GSTA1: variants seen among roughly 807,000 people sequenced by gnomAD.
GSTA1 encodes the protein glutathione S-transferase alpha 1, also known as glutathione S-transferase A1.
In GSTA1, 23 loss-of-function variants were observed where a neutral mutation model predicts 21.5. That is an observed-to-expected ratio of 1.07 (90% CI 0.77 to 1.52). The LOEUF (loss-of-function observed/expected upper bound fraction) is 1.52, where lower values mean the gene tolerates loss of function less well. GSTA1 is among the 40% of genes most tolerant of loss of function. The pLI is 0.00. For missense variants in GSTA1, 301 were observed against 264.2 expected (o/e 1.14, Z -0.96); for synonymous variants, 125 against 90.0 (o/e 1.39, Z -2.20).
intron 2 of GSTA1, 32 bp downstream of exon 2, chr6:52,799,149 T>A (rs749897826): frequency 4.4e-6 from 7 of 1,595,274 alleles, no homozygotes; most frequent in Non-Finnish European, 6.0e-6. Context: ...CAATTTTAAA[T>A]CCAACTTAAG....
rs1361752228 is a variant in GSTA1, at chr6:52,791,494, T to C, written c.*364A>G. ...CTTCTCCTGTGCATACCTGAAAATG[T>C]CAGAAGTGCATTTCTACATTGACAT... On this transcript the variant is annotated 3_prime_UTR_variant, in exon 7 of 7. Coordinates refer to ENST00000334575, the MANE Select transcript of GSTA1 (RefSeq NM_145740.5). 1.3e-5 allele frequency among the ~76,000 whole-genome samples: 2 copies of C among 152,226 alleles called. No individual in the cohort carries two copies. Among genetic ancestry groups the C allele is most frequent in the African/African-American group, 4.8e-5 (2 of 41,456 alleles).
At chr6:52,797,497 C>G in intron 3 of GSTA1, 89 bp downstream of exon 3, 1 of 902,700 alleles carries the variant, frequency 1.1e-6, no homozygotes, top group Admixed American at 1.8e-5. Context: ...TACCATGCCC[C>G]ACACCCATAG....
chr6:52,797,917 G>A (rs4712016), intron 2 of GSTA1, among the ~76,000 whole-genome samples: 145,048 of 152,268 alleles, frequency 0.95, 69,494 homozygotes, highest in South Asian at 1. Flanking sequence ...GACATCACTG[G>A]AGAAAAGGCA....
At chr6:52,795,483 G>T (rs1383552296) in intron 4 of GSTA1, among the ~76,000 whole-genome samples, 2 of 152,130 alleles carry the variant, frequency 1.3e-5, no homozygotes, top group Non-Finnish European at 2.9e-5. Context: ...GGATATACCT[G>T]TTAGAGGAAC....
chr6:52,801,443 G>C (rs6937886), intron 1 of GSTA1, among the ~76,000 whole-genome samples: 148,401 of 152,312 alleles, frequency 0.97, 72,406 homozygotes, highest in East Asian at 1. Flanking sequence ...GTGAAGTTCA[G>C]ATGAAAGCAT....
Position 52,799,186 on chromosome 6 carries a change from C to G in GSTA1, c.82G>C (p.Val28Leu). The G allele has an allele frequency of 6.2e-7, 1 of 1,613,784 alleles. No homozygotes were observed. Among genetic ancestry groups the G allele is most frequent in the Non-Finnish European group, 8.5e-7 (1 of 1,179,738 alleles). The change falls in exon 2 of 7, where the codon GTA (valine) becomes CTA (leucine). Residue 28 changes from valine to leucine, a missense_variant. Coordinates refer to ENST00000334575, the MANE Select transcript of GSTA1 (RefSeq NM_145740.5). ...TGACCTAACTCAGAACCTACCTCTACTCCAGCTGCAGCCAGGAGCCACCGG... is the reference window on the plus strand; with the variant it reads ...TGACCTAACTCAGAACCTACCTCTAGTCCAGCTGCAGCCAGGAGCCACCGG... Reference protein sequence around the residue: ...STRWLLAAAGVEFEEKFIKSA... With the variant: ...STRWLLAAAGLEFEEKFIKSA...
rs1174549062 is a variant in GSTA1 at position 52,797,618 on chromosome 6, T to C, written c.107A>G (p.Lys36Arg). 2 of 1,607,572 alleles carry C rather than the reference T, an allele frequency of 1.2e-6. No individual in the cohort carries two copies. Among genetic ancestry groups the C allele is most frequent in the African/African-American group, 2.7e-5 (2 of 74,782 alleles). ...TAACTTGTCCAAATCTTCTGCAGATTTTATAAATTTCTCTTCAAACTGGAA... is the reference window on the plus strand; with the variant it reads ...TAACTTGTCCAAATCTTCTGCAGATCTTATAAATTTCTCTTCAAACTGGAA... ...AGVEFEEKFI[K>R]SAEDLDKLRN... The change falls in exon 3 of 7, where the codon AAA becomes AGA. Residue 36 changes from lysine (K) to arginine (R), a missense_variant. Transcript: ENST00000334575.
At chr6:52,793,113 C>T (rs1228166896) in intron 5 of GSTA1, 126 bp from the exon 6 acceptor site, 1 of 1,305,302 alleles carries the variant, frequency 7.7e-7, no homozygotes, top group Non-Finnish European at 1.1e-6. Context: ...TGCAGAAATC[C>T]AGAGCTTTCT....
intron 5 of GSTA1, 111 bp downstream of exon 5, chr6:52,794,014 G>A (rs1321100548): frequency 1.5e-6 from 2 of 1,338,136 alleles, no homozygotes; most frequent in African/African-American, 1.4e-5. Context: ...CTGCATTGGT[G>A]TTCAGGAAGT....
At position 52,792,901 on chromosome 6, in the gene GSTA1, G is replaced by T; in HGVS notation, c.501C>A (p.Val167=). 6.2e-7 allele frequency: 1 copy of T among 1,614,102 alleles called. No individual in the cohort carries two copies. Among genetic ancestry groups the T allele is most frequent in the Non-Finnish European group, 8.5e-7 (1 of 1,179,986 alleles). ...AGATAAGACTGGAGTCAAGCTCCTC[G>T]ACGTAGTAGAGAAGTTCCACCAGAT... is the stretch of plus-strand genomic sequence containing the variant. The part of the protein sequence containing the change: ...DIHLVELLYY[V]EELDSSLISS... The change falls in exon 6 of 7, where the codon GTC becomes GTA. Residue 167 remains valine (V), a synonymous_variant. Transcript: ENST00000334575.
At chr6:52,798,623 G>C (rs1428151447) in intron 2 of GSTA1, among the ~76,000 whole-genome samples, 3 of 122,416 alleles carry the variant, frequency 2.5e-5, no homozygotes, top group Non-Finnish European at 5.0e-5. Context: ...AATATAAACA[G>C]AAAAGCATAA....
chr6:52,799,311 T>C lies in GSTA1; in HGVS notation c.-30-14A>G, dbSNP rs1304001703. On this transcript the variant is annotated splice_polypyrimidine_tract_variant and intron_variant, in intron 1 of 6. Coordinates refer to ENST00000334575, the MANE Select transcript of GSTA1 (RefSeq NM_145740.5). The stretch of plus-strand genomic sequence containing the variant: ...GTTTCTCTAAGCCTGAATGAATGAA[T>C]GAATGAATGAATAATTGAAACGATA... 6.8e-7 allele frequency: 1 copy of C among 1,461,540 alleles called. No homozygotes were observed. The highest frequency in any genetic ancestry group is 9.5e-7 in the Non-Finnish European group (1 of 1,056,822). The allele number at this position is 1,461,540 out of a possible 1,614,324, so 90.5% of individuals were successfully genotyped here.
Position 52,799,285 on chromosome 6 carries a change from G to A in GSTA1, c.-18C>T. The A allele has an allele frequency of 6.2e-7, 1 of 1,602,520 alleles. No individual in the cohort carries two copies. The highest frequency in any genetic ancestry group is 1.1e-5 in the South Asian group (1 of 90,280). ...TCTGCCATGATAGCAGTCTCCTGGAGGTTTCTCTAAGCCTGAATGAATGAA... is the reference window on the plus strand; with the variant it reads ...TCTGCCATGATAGCAGTCTCCTGGAAGTTTCTCTAAGCCTGAATGAATGAA... On this transcript the variant is annotated 5_prime_UTR_variant, in exon 2 of 7. Transcript: ENST00000334575.
intron 1 of GSTA1, among the ~76,000 whole-genome samples, chr6:52,803,059 G>A (rs1252347676): frequency 6.6e-6 from 1 of 152,148 alleles, no homozygotes; most frequent in Non-Finnish European, 1.5e-5. Flanking sequence ...ATTGAGCAAG[G>A]TCTAGAGACA....
chr6:52,797,441 C>T (rs1324512999), intron 3 of GSTA1, 145 bp downstream of exon 3: 2 of 576,354 alleles, frequency 3.5e-6, no homozygotes, highest in Non-Finnish European at 6.3e-6. Context: ...CAAGGAGCCA[C>T]ATCCCTTCCA....
intron 2 of GSTA1, 72 bp downstream of exon 2, chr6:52,799,109 T>C (rs1763651390): frequency 1.4e-6 from 2 of 1,402,296 alleles, no homozygotes; most frequent in African/African-American, 1.4e-5. Flanking sequence ...CAACATCTCA[T>C]AGTTTCTGTG....
intron 4 of GSTA1, 106 bp from the exon 5 acceptor site, chr6:52,794,372 C>T (rs1763529544): frequency 1.7e-5 from 19 of 1,110,010 alleles, no homozygotes; most frequent in Middle Eastern, 2.2e-4. Context: ...AAATAATTCA[C>T]CTCCAGTGGG....
In GSTA1 at chr6:52,794,187, C is replaced by G; in HGVS notation, c.352G>C (p.Asp118His). 3 of 1,614,020 alleles carry G rather than the reference C, an allele frequency of 1.9e-6. No homozygotes were observed. Among genetic ancestry groups the G allele is most frequent in the Non-Finnish European group, 2.5e-6 (3 of 1,179,908 alleles). Residue 118 changes from aspartate to histidine, a missense_variant, in exon 5 of 7, where the codon GAT becomes CAT. Transcript: ENST00000334575. Reference sequence around the variant, plus strand: ...TCTTTGATCAAGGCAAGCTTGGCATCTTTTTCCTCAGGTGGACATACGGGC... The same window carrying G: ...TCTTTGATCAAGGCAAGCTTGGCATGTTTTTCCTCAGGTGGACATACGGGC... ...LLPVCPPEEK[D>H]AKLALIKEKI...
In GSTA1 at chr6:52,791,830, C is replaced by A. The variant is rs147452976; in HGVS notation, c.*28G>T. ...GCAAAACTTTAGAACATTGGTATTG[C>A]AAGTTCTTGGCCTCCATGACTGCGT... On this transcript the variant is annotated 3_prime_UTR_variant, in exon 7 of 7. Coordinates refer to ENST00000334575, the MANE Select transcript of GSTA1 (RefSeq NM_145740.5). 1.7e-4 allele frequency: 273 copies of A among 1,613,436 alleles called. 2 individuals carry two copies. In the East Asian group the frequency reaches 5.7e-3, roughly 33 times the overall value.
Sources: gnomAD v4.1 joint callset for allele counts (sites outside exome capture counted in the v4.1 genomes callset) on GRCh38, gnomAD v4.1.1 for gene constraint, MANE v1.5 for transcripts, NCBI Gene and HGNC (gene_info 2026-07-23, HGNC 2026-07-21) for gene names.